NAV3: variants seen among roughly 807,000 people sequenced by gnomAD.
NAV3 encodes pore membrane and/or filament interacting like protein 1.
NAV3 carries 87 observed loss-of-function variants against 244.7 expected under a neutral mutation model. That is an observed-to-expected ratio of 0.36 (90% CI 0.30 to 0.42). The LOEUF is 0.42. Among genes scored for constraint, NAV3 ranks in the 20% least tolerant of loss-of-function variants. The probability of loss-of-function intolerance (pLI) is 1.00; values close to 1 mark genes in which losing one functional copy is unlikely to be tolerated. For missense variants in NAV3, 2,663 were observed against 2,893.3 expected (o/e 0.92, Z 1.83); for synonymous variants, 1,126 against 1,042.2 (o/e 1.08, Z -1.55).
At chr12:77,904,449 A>T (rs987733270) in intron 1 of NAV3, among the ~76,000 whole-genome samples, 3 of 152,170 alleles carry the variant, frequency 2.0e-5, no homozygotes, top group Admixed American at 2.0e-4. Context: ...AACAATGAGA[A>T]CACATGGACA....
intron 5 of NAV3, among the ~76,000 whole-genome samples, chr12:77,983,581 T>C (rs1298551841): frequency 1.3e-5 from 2 of 152,062 alleles, no homozygotes; most frequent in Non-Finnish European, 2.9e-5. Flanking sequence ...GCCAGAGATA[T>C]GGACCTGGGA....
intron 1 of NAV3, among the ~76,000 whole-genome samples, chr12:77,867,882 G>A (rs1040581611): frequency 1.3e-5 from 2 of 152,198 alleles, no homozygotes; most frequent in East Asian, 3.8e-4. Flanking sequence ...GGACTGCACT[G>A]ACCTAGTAGA....
chr12:77,787,951 A>C (rs1870984219), intron 2 of NAV3, among the ~76,000 whole-genome samples: 1 of 152,218 alleles, frequency 6.6e-6, no homozygotes, highest in Admixed American at 6.5e-5. Flanking sequence ...ATGTTTTATT[A>C]GTCCTGTTAT....
intron 2 of NAV3, among the ~76,000 whole-genome samples, chr12:77,752,384 A>T (rs1280146663): frequency 1.3e-5 from 2 of 152,188 alleles, no homozygotes; most frequent in South Asian, 4.1e-4. Flanking sequence ...ACCTGAATGT[A>T]CAAATACCCA....
Position 77,873,744 on chromosome 12 carries a change from G to GTGTATA in NAV3, c.243+42041_243+42042insGTATAT, listed in dbSNP as rs776225440. Among the ~76,000 whole-genome samples the GTGTATA allele has an allele frequency of 4.4e-4, 32 of 73,182 alleles. 1 individual carries two copies. The highest frequency in any genetic ancestry group is 7.0e-4 in the Admixed American group (5 of 7,112). The allele number at this position is 73,182 out of a possible 152,430, so 48.0% of individuals were successfully genotyped here. On this transcript the variant is annotated intron_variant, in intron 1 of 39. Transcript: ENST00000397909. ...CTTATCTAAATACATATGTGTGTGT[G>GTGTATA]TATATATATATATATATATATATGT...
Position 77,579,397 on chromosome 12 carries a change from T to C in NAV3, c.72+7131T>C, listed in dbSNP as rs945805581. ...AACAGACTGGGTAATCTATAAGAAA[T>C]AGAAATTCCTTGGCTCACAGATCTG... On this transcript the variant is annotated intron_variant, in intron 2 of 8. Coordinates refer to the NAV3 transcript ENST00000550042. 1.5e-4 allele frequency among the ~76,000 whole-genome samples: 23 copies of C among 152,298 alleles called. 1 individual carries two copies. The highest frequency in any genetic ancestry group is 1.4e-3 in the Admixed American group (22 of 15,302).
intron 22 of NAV3, among the ~76,000 whole-genome samples, chr12:78,156,502 A>G (rs1221939224): frequency 6.6e-6 from 1 of 152,104 alleles, no homozygotes; most frequent in Non-Finnish European, 1.5e-5. Flanking sequence ...TACAATCCCG[A>G]TTTCTTTGTC....
chr12:77,787,020 C>T (rs576096602), intron 2 of NAV3, among the ~76,000 whole-genome samples: 8 of 152,044 alleles, frequency 5.3e-5, no homozygotes, highest in African/African-American at 1.9e-4. Flanking sequence ...CCTTTAACCC[C>T]CTATCTGCTT....
chr12:78,016,597 C>A (rs1445892674), intron 8 of NAV3, among the ~76,000 whole-genome samples: 2 of 152,120 alleles, frequency 1.3e-5, no homozygotes, highest in African/African-American at 4.8e-5. Context: ...GGAAAGCAAG[C>A]ACATTAGTGG....
intron 22 of NAV3, among the ~76,000 whole-genome samples, chr12:78,152,279 T>G (rs1198746334): frequency 1.8e-4 from 27 of 151,744 alleles, no homozygotes; most frequent in Admixed American, 1.7e-3. Flanking sequence ...AAAATTCTCT[T>G]TTAGACTAAT....
At chr12:77,976,668 TTTTTTC>T (rs1868465863) in intron 5 of NAV3, among the ~76,000 whole-genome samples, 2 of 58,124 alleles carry the variant, frequency 3.4e-5, no homozygotes, top group African/African-American at 1.4e-4. Flanking sequence ...CTTTCTTTCT[TTTTTTC>T]TTTTTTTTTT....
Position 78,120,041 on chromosome 12 carries a change from A to G in NAV3, c.3749+96A>G, listed in dbSNP as rs1321787904. On this transcript the variant is annotated intron_variant, in intron 15 of 39. Coordinates refer to ENST00000397909, the MANE Select transcript of NAV3 (RefSeq NM_001024383.2). The stretch of plus-strand genomic sequence containing the variant: ...AAATGTGTGTATATATATATTTTAA[A>G]TATGTATAAGGTATATATATATCTT... 9.3e-6 allele frequency: 8 copies of G among 861,964 alleles called. No homozygotes were observed. In the East Asian group the frequency reaches 2.3e-4, roughly 25 times the overall value. 53.4% of individuals were successfully genotyped at this position (861,964 alleles called of 1,614,324 possible).
At chr12:78,130,942 TC>T in intron 18 of NAV3, 1 of 174,146 alleles carries the variant, frequency 5.7e-6, no homozygotes, top group Non-Finnish European at 1.3e-5. Flanking sequence ...GGCAGCAGCC[TC>T]CAAGGGCTCC....
intron 2 of NAV3, among the ~76,000 whole-genome samples, chr12:77,725,656 C>G (rs1182672250): frequency 6.6e-6 from 1 of 151,846 alleles, no homozygotes; most frequent in East Asian, 1.9e-4. Flanking sequence ...GTGAACTCTT[C>G]TATACTCATG....
chr12:77,812,255 A>G (rs1872321426), intron 2 of NAV3, among the ~76,000 whole-genome samples: 1 of 152,194 alleles, frequency 6.6e-6, no homozygotes, highest in Non-Finnish European at 1.5e-5. Flanking sequence ...ACCCCCTCTG[A>G]TGGAAACCCA....
chr12:78,018,996 A>G (rs1876705056), intron 8 of NAV3, among the ~76,000 whole-genome samples: 1 of 152,144 alleles, frequency 6.6e-6, no homozygotes, highest in South Asian at 2.1e-4. Flanking sequence ...ATTGGGGTCC[A>G]GAAGAGAAAG....
intron 8 of NAV3, among the ~76,000 whole-genome samples, chr12:78,020,662 T>C (rs900859614): frequency 6.6e-6 from 1 of 152,192 alleles, no homozygotes; most frequent in African/African-American, 2.4e-5. Context: ...ATATTGACTA[T>C]TTCTAATATC....
At chr12:78,185,090 A>G (rs977944352) in intron 30 of NAV3, among the ~76,000 whole-genome samples, 3 of 151,838 alleles carry the variant, frequency 2.0e-5, no homozygotes, top group African/African-American at 7.2e-5. Flanking sequence ...TTGAAATTCA[A>G]TAACAGTACC....
intron 24 of NAV3, among the ~76,000 whole-genome samples, chr12:78,174,903 C>T (rs1475629831): frequency 1.3e-5 from 2 of 151,946 alleles, no homozygotes; most frequent in Non-Finnish European, 2.9e-5. Context: ...GTATTTGAAG[C>T]ACAAATATTA....
Sources: gnomAD v4.1 joint callset for allele counts (sites outside exome capture counted in the v4.1 genomes callset) on GRCh38, gnomAD v4.1.1 for gene constraint, MANE v1.5 for transcripts, NCBI Gene and HGNC (gene_info 2026-07-23, HGNC 2026-07-21) for gene names.